ZNF578: variants seen among roughly 807,000 people sequenced by gnomAD.
The protein encoded by ZNF578 is zinc finger protein 578.
In ZNF578, 8 loss-of-function variants were observed where a neutral mutation model predicts 8.3. The ratio of observed to expected loss-of-function variants is 0.96; its 90% CI spans 0.56 to 1.74. ZNF578 has a LOEUF of 1.74. Ranked by LOEUF, ZNF578 falls within the 40% of genes most tolerant of loss-of-function variation. The pLI is 0.00. For missense variants in ZNF578, 726 were observed against 707.5 expected, an observed-to-expected ratio of 1.03 and a Z score of -0.30; for synonymous variants, 206 against 232.2, an observed-to-expected ratio of 0.89 and a Z score of 1.03.
chr19:52,487,190 A>G (rs1418544636), intron 2 of ZNF578, among the ~76,000 whole-genome samples: 1 of 151,980 alleles, frequency 6.6e-6, no homozygotes. Context: ...AATAATAATA[A>G]TAAGTAAATA....
intron 2 of ZNF578, among the ~76,000 whole-genome samples, chr19:52,479,306 C>T (rs186488885): frequency 9.1e-4 from 138 of 151,888 alleles, no homozygotes; most frequent in African/African-American, 3.1e-3. Flanking sequence ...GAGGCCGAGG[C>T]GGGCAGATCA....
chr19:52,492,459 A>C (rs562705549), intron 3 of ZNF578, among the ~76,000 whole-genome samples: 1 of 152,296 alleles, frequency 6.6e-6, no homozygotes, highest in East Asian at 1.9e-4. Flanking sequence ...CTCCCTCCTG[A>C]ATGAATGGCG....
intron 3 of ZNF578, among the ~76,000 whole-genome samples, chr19:52,500,274 A>G (rs7257683): frequency 0.023 from 3,524 of 152,232 alleles, 120 homozygotes; most frequent in African/African-American, 0.075. Context: ...ATCAATCAAT[A>G]TATGTAAGAA....
rs367827424 is a variant in ZNF578 at position 52,512,271 on chromosome 19, A to G, written c.*117A>G. On this transcript the variant is annotated 3_prime_UTR_variant, in exon 6 of 6. Transcript: ENST00000421239. The stretch of plus-strand genomic sequence containing the variant: ...ACTGGAGAGAAACCTTACAAGTGTA[A>G]TGAGTGTGGCAAAGCCTTTAGTGAC... The G allele has an allele frequency of 1.3e-6, 2 of 1,594,072 alleles. No homozygotes were observed. Among genetic ancestry groups the G allele is most frequent in the African/African-American group, 1.3e-5 (1 of 74,630 alleles).
At chr19:52,482,699 G>A (rs1446419078) in intron 2 of ZNF578, among the ~76,000 whole-genome samples, 1 of 152,048 alleles carries the variant, frequency 6.6e-6, no homozygotes, top group African/African-American at 2.4e-5. Context: ...TGTAATCCCA[G>A]CACTTAGGGA....
intron 5 of ZNF578, among the ~76,000 whole-genome samples, chr19:52,506,126 C>T (rs1890098976): frequency 6.6e-6 from 1 of 152,136 alleles, no homozygotes; most frequent in Non-Finnish European, 1.5e-5. Context: ...TTTTGATAGC[C>T]TGGCCTGACG....
chr19:52,467,610 C>T (rs1374016450), intron 2 of ZNF578, among the ~76,000 whole-genome samples: 1 of 151,168 alleles, frequency 6.6e-6, no homozygotes, highest in Non-Finnish European at 1.5e-5. Flanking sequence ...GAGTGAGACC[C>T]CAGCTCTTAA....
chr19:52,491,976 C>G (rs1359151795), intron 3 of ZNF578, among the ~76,000 whole-genome samples: 1 of 151,412 alleles, frequency 6.6e-6, no homozygotes, highest in Non-Finnish European at 1.5e-5. Flanking sequence ...CTGGCTAACA[C>G]GGTGAAACCC....
intron 2 of ZNF578, among the ~76,000 whole-genome samples, chr19:52,459,747 G>GTA (rs1568454133): frequency 2.4e-4 from 4 of 16,718 alleles, no homozygotes; most frequent in Middle Eastern, 0.056. Flanking sequence ...GTGTGTGTGT[G>GTA]TGTGTATATA....
At chr19:52,501,335 G>T (rs1240939875) in intron 3 of ZNF578, among the ~76,000 whole-genome samples, 1 of 152,206 alleles carries the variant, frequency 6.6e-6, no homozygotes, top group Non-Finnish European at 1.5e-5. Flanking sequence ...GGAGCATTTT[G>T]CAAATAGAGC....
At chr19:52,509,147 T>C (rs802878) in intron 5 of ZNF578, among the ~76,000 whole-genome samples, 93,910 of 151,738 alleles carry the variant, frequency 0.62, 29,655 homozygotes, top group African/African-American at 0.74. Flanking sequence ...CGTGCTCCAC[T>C]TGCCTCAGCC....
At chr19:52,482,496 G>A (rs935121735) in intron 2 of ZNF578, among the ~76,000 whole-genome samples, 6 of 152,140 alleles carry the variant, frequency 3.9e-5, no homozygotes, top group Non-Finnish European at 8.8e-5. Context: ...AACTTAGCCG[G>A]GCGTGGTGGC....
intron 2 of ZNF578, among the ~76,000 whole-genome samples, chr19:52,471,504 G>T (rs2059291659): frequency 6.6e-6 from 1 of 152,050 alleles, no homozygotes; most frequent in Non-Finnish European, 1.5e-5. Flanking sequence ...TGCCCATCTT[G>T]TCAAGCTGAT....
Position 52,485,547 on chromosome 19 carries a change from A to G in ZNF578, c.-121-5777A>G, listed in dbSNP as rs1221596200. Among the ~76,000 whole-genome samples, 3 of 152,200 alleles carry G rather than the reference A, an allele frequency of 2.0e-5. No individual in the cohort carries two copies. The East Asian group carries it at 5.8e-4, about 29-fold the overall frequency. ...AGTTGAGGGGCTGTCCTGTAGGGAAAGGAAAGAGAGATCAGACTGTTACTG... is the reference window on the plus strand; with the variant it reads ...AGTTGAGGGGCTGTCCTGTAGGGAAGGGAAAGAGAGATCAGACTGTTACTG... On this transcript the variant is annotated intron_variant, in intron 2 of 5. Coordinates refer to ENST00000421239, the MANE Select transcript of ZNF578 (RefSeq NM_001099694.2).
chr19:52,493,749 T>C (rs1382374971), intron 3 of ZNF578, among the ~76,000 whole-genome samples: 1 of 150,022 alleles, frequency 6.7e-6, no homozygotes, highest in Non-Finnish European at 1.5e-5. Flanking sequence ...CCAGCAGTTT[T>C]GGAGGCTGAA....
chr19:52,468,135 G>A (rs1318327702), intron 2 of ZNF578, among the ~76,000 whole-genome samples: 4 of 151,892 alleles, frequency 2.6e-5, no homozygotes, highest in South Asian at 2.1e-4. Context: ...TTAAAATTGT[G>A]TACAAAAACA....
intron 3 of ZNF578, 92 bp from the exon 4 acceptor site, chr19:52,501,735 T>G (rs1168020947): frequency 2.2e-6 from 3 of 1,360,444 alleles, no homozygotes; most frequent in East Asian, 4.7e-5. Context: ...GGCTTCTTTG[T>G]ACAGGGTGAT....
At chr19:52,478,564 T>A (rs1447996020) in intron 2 of ZNF578, among the ~76,000 whole-genome samples, 1 of 152,114 alleles carries the variant, frequency 6.6e-6, no homozygotes, top group African/African-American at 2.4e-5. Context: ...AACAGATTCT[T>A]TCAGATTTTT....
intron 2 of ZNF578, among the ~76,000 whole-genome samples, chr19:52,465,300 G>A (rs960831224): frequency 2.0e-5 from 3 of 152,190 alleles, no homozygotes; most frequent in African/African-American, 4.8e-5. Context: ...CTGGGTTGAG[G>A]AGGTGGTGGC....
Sources: allele counts gnomAD v4.1 joint callset (sites outside exome capture counted in the v4.1 genomes callset), GRCh38; gene constraint gnomAD v4.1.1; transcripts MANE v1.5; gene names NCBI Gene and HGNC (gene_info 2026-07-23, HGNC 2026-07-21).